NUMB: variants seen among roughly 807,000 people sequenced by gnomAD.
NUMB encodes the protein protein numb homolog.
Under a neutral mutation model 59.7 loss-of-function variants are expected in NUMB, and 29 were observed. The ratio of observed to expected loss-of-function variants is 0.49; its 90% CI spans 0.36 to 0.66. NUMB has a LOEUF of 0.66. Ranked by LOEUF, NUMB falls within the 30% of genes least tolerant of loss-of-function variation. The pLI is 0.00. For missense variants in NUMB, 723 were observed against 822.0 expected (o/e 0.88, Z 1.47); for synonymous variants, 288 against 288.2 (o/e 1.00, Z 0.01).
chr14:73,433,024 G>GCGAAACCCCATCTCTAC (rs1233041157), intron 1 of NUMB, among the ~76,000 whole-genome samples: 5 of 151,998 alleles, frequency 3.3e-5, no homozygotes, highest in Non-Finnish European at 7.4e-5. Flanking sequence ...GGCCAACATG[G>GCGAAACCCCATCTCTAC]CGAAACCCCA....
chr14:73,346,344 G>A (rs1594931276), intron 4 of NUMB, among the ~76,000 whole-genome samples: 1 of 152,102 alleles, frequency 6.6e-6, no homozygotes, highest in East Asian at 1.9e-4. Flanking sequence ...GCTGGGTGTG[G>A]TGACACATGT....
chr14:73,399,123 T>C (rs956825398), intron 2 of NUMB, among the ~76,000 whole-genome samples: 10 of 152,164 alleles, frequency 6.6e-5, no homozygotes, highest in Non-Finnish European at 1.3e-4. Flanking sequence ...AAAGAATAAA[T>C]AGATTCACAG....
chr14:73,323,292 T>C (rs1891498844), intron 4 of NUMB, 88 bp from the exon 5 acceptor site: 6 of 863,626 alleles, frequency 6.9e-6, no homozygotes, highest in Middle Eastern at 2.4e-4. Flanking sequence ...TGAATACAGG[T>C]TGAACATTCC....
At chr14:73,409,307 C>G (rs1896807870) in intron 2 of NUMB, 1 of 152,202 alleles carries the variant, frequency 6.6e-6, no homozygotes, top group South Asian at 2.1e-4. Flanking sequence ...CCTTTGCCTT[C>G]CTCTCTTGGG....
At chr14:73,303,827 C>T (rs536846294) in intron 6 of NUMB, among the ~76,000 whole-genome samples, 1 of 151,912 alleles carries the variant, frequency 6.6e-6, no homozygotes, top group South Asian at 2.1e-4. Flanking sequence ...ATGGACAGAA[C>T]TTTAGTAACT....
intron 1 of NUMB, among the ~76,000 whole-genome samples, chr14:73,422,353 C>A (rs979761805): frequency 6.6e-6 from 1 of 152,106 alleles, no homozygotes; most frequent in African/African-American, 2.4e-5. Context: ...CAGTACTATC[C>A]TTGTGGAGAA....
At chr14:73,324,815 G>A (rs1281704385) in intron 4 of NUMB, among the ~76,000 whole-genome samples, 1 of 152,064 alleles carries the variant, frequency 6.6e-6, no homozygotes, top group East Asian at 1.9e-4. Flanking sequence ...CTATGGAAAT[G>A]GCAAGGAATT....
Position 73,323,841 on chromosome 14 carries a change from C to T in NUMB, c.127-637G>A, listed in dbSNP as rs74527902. On this transcript the variant is annotated intron_variant, in intron 4 of 12. Coordinates refer to ENST00000555238, the MANE Select transcript of NUMB (RefSeq NM_001005743.2). ...AGACTATTTCAGGCTGAGAGAAATA[C>T]ATAAAGTTATAGGTGTGGAATAGGA... Among the ~76,000 whole-genome samples, 28 of 152,268 alleles carry T rather than the reference C, an allele frequency of 1.8e-4. No individual in the cohort carries two copies. In the East Asian group the frequency reaches 4.8e-3, roughly 26 times the overall value.
chr14:73,418,996 T>A (rs1045787469), intron 1 of NUMB, among the ~76,000 whole-genome samples: 2 of 152,236 alleles, frequency 1.3e-5, no homozygotes, highest in East Asian at 1.9e-4. Flanking sequence ...ATTACAGAAG[T>A]TATAATTTGT....
chr14:73,427,645 G>C (rs1227230924), intron 1 of NUMB, among the ~76,000 whole-genome samples: 3 of 152,120 alleles, frequency 2.0e-5, no homozygotes, highest in African/African-American at 7.2e-5. Context: ...AAGACGGACA[G>C]TGAAAGCCAG....
At chr14:73,378,859 T>C (rs953619406) in intron 2 of NUMB, among the ~76,000 whole-genome samples, 1 of 152,190 alleles carries the variant, frequency 6.6e-6, no homozygotes, top group East Asian at 1.9e-4. Context: ...ATCCAGGGAA[T>C]GTACACTACC....
At position 73,419,317 on chromosome 14, in the gene NUMB, TG is replaced by T. The variant is rs1009387384; in HGVS notation, c.-232-9250del. 2.7e-4 allele frequency among the ~76,000 whole-genome samples: 41 copies of T among 152,216 alleles called. 1 individual carries two copies. The highest frequency in any genetic ancestry group is 8.7e-4 in the African/African-American group (36 of 41,530). On this transcript the variant is annotated intron_variant, in intron 1 of 12. Transcript: ENST00000555238. ...CAAGATCAGGAGATTGAGACAATCCTGGCTAACACGGTGAAACCCGGTCTCT... is the reference window on the plus strand; with the variant it reads ...CAAGATCAGGAGATTGAGACAATCCTGCTAACACGGTGAAACCCGGTCTCT...
chr14:73,312,520 C>T (rs944938114), intron 6 of NUMB, among the ~76,000 whole-genome samples: 2 of 152,106 alleles, frequency 1.3e-5, no homozygotes, highest in African/African-American at 2.4e-5. Flanking sequence ...TTGAGACCAG[C>T]CTGGGCAACA....
At chr14:73,370,429 C>T (rs1189625224) in intron 2 of NUMB, among the ~76,000 whole-genome samples, 3 of 152,180 alleles carry the variant, frequency 2.0e-5, no homozygotes, top group Admixed American at 6.5e-5. Flanking sequence ...TGGTGGCTCA[C>T]GCTTGTAATC....
intron 4 of NUMB, among the ~76,000 whole-genome samples, chr14:73,347,918 T>C (rs1231084846): frequency 6.6e-6 from 1 of 152,234 alleles, no homozygotes; most frequent in Admixed American, 6.5e-5. Flanking sequence ...TAAATTTACC[T>C]ACTCACTAAA....
chr14:73,348,468 G>A (rs1344211547), intron 4 of NUMB, among the ~76,000 whole-genome samples: 1 of 152,248 alleles, frequency 6.6e-6, no homozygotes, highest in East Asian at 1.9e-4. Flanking sequence ...CCACACAGCA[G>A]GAGGTGAGCG....
chr14:73,398,733 A>T (rs1177073308), intron 2 of NUMB, among the ~76,000 whole-genome samples: 1 of 152,152 alleles, frequency 6.6e-6, no homozygotes, highest in Admixed American at 6.5e-5. Context: ...CAGATGGATA[A>T]GACCAAATAT....
At chr14:73,300,088 T>C (rs1890046769) in intron 6 of NUMB, among the ~76,000 whole-genome samples, 1 of 152,178 alleles carries the variant, frequency 6.6e-6, no homozygotes, top group Non-Finnish European at 1.5e-5. Flanking sequence ...CTCCCAATAG[T>C]AAAGCAGAAT....
chr14:73,444,410 A>T (rs560249955), intron 1 of NUMB, among the ~76,000 whole-genome samples: 1 of 151,768 alleles, frequency 6.6e-6, no homozygotes, highest in African/African-American at 2.4e-5. Flanking sequence ...AAAAAAAAAA[A>T]AAAAAGTCAA....
Sources: allele counts gnomAD v4.1 joint callset (sites outside exome capture counted in the v4.1 genomes callset), GRCh38; gene constraint gnomAD v4.1.1; transcripts MANE v1.5; gene names NCBI Gene and HGNC (gene_info 2026-07-23, HGNC 2026-07-21).